TRPC3: variants seen among roughly 807,000 people sequenced by gnomAD.
TRPC3 encodes transient receptor potential cation channel subfamily C member 3, also known as short transient receptor potential channel 3.
TRPC3 carries 54 observed loss-of-function variants against 90.9 expected under a neutral mutation model. The ratio of observed to expected loss-of-function variants is 0.59; its 90% CI spans 0.48 to 0.75. The LOEUF (loss-of-function observed/expected upper bound fraction) is 0.75, where lower values mean the gene tolerates loss of function less well. Ranked by LOEUF, TRPC3 falls within the 30% of genes least tolerant of loss-of-function variation. The probability of loss-of-function intolerance (pLI) is 0.00; values close to 1 mark genes in which losing one functional copy is unlikely to be tolerated. For missense variants in TRPC3, 918 were observed against 1,194.5 expected, an observed-to-expected ratio of 0.77 and a Z score of 3.41; for synonymous variants, 424 against 450.9, an observed-to-expected ratio of 0.94 and a Z score of 0.75.
intron 4 of TRPC3, among the ~76,000 whole-genome samples, chr4:121,912,822 C>T (rs1729157242): frequency 6.6e-6 from 1 of 152,138 alleles, no homozygotes; most frequent in Non-Finnish European, 1.5e-5. Context: ...CTTTAAAATC[C>T]CCTATGATAT....
intron 10 of TRPC3, among the ~76,000 whole-genome samples, chr4:121,884,387 G>A (rs549688974): frequency 7.2e-5 from 11 of 152,218 alleles, no homozygotes; most frequent in African/African-American, 2.4e-4. Flanking sequence ...GGCAATGGAC[G>A]GATAATGTTA....
chr4:121,902,822 T>G, intron 9 of TRPC3, 30 bp downstream of exon 9: 1 of 1,485,274 alleles, frequency 6.7e-7, no homozygotes, highest in Non-Finnish European at 9.2e-7. Context: ...AACATTTATT[T>G]TAAGGTCTTG....
chr4:121,916,801 C>T (rs1326712350), intron 3 of TRPC3, among the ~76,000 whole-genome samples: 3 of 152,052 alleles, frequency 2.0e-5, no homozygotes, highest in Non-Finnish European at 2.9e-5. Context: ...ACAACCTCCA[C>T]CTCCCGGGTT....
At chr4:121,941,617 CAAGAAAGTCAGAGAAGAAAA>C (rs1489734856) in intron 1 of TRPC3, among the ~76,000 whole-genome samples, 2 of 150,518 alleles carry the variant, frequency 1.3e-5, no homozygotes, top group Non-Finnish European at 3.0e-5. Flanking sequence ...GAAGAAAAGA[CAAGAAAGTCAGAGAAGAAAA>C]GTCAAAAAAT....
Position 121,907,367 on chromosome 4 carries a change from T to C in TRPC3, c.1993A>G (p.Met665Val). Residue 665 changes from methionine (M) to valine (V), a missense_variant, in exon 7 of 12, where the codon ATG becomes GTG. Met to Val is a conservative substitution (Grantham distance 21, BLOSUM62 1). Transcript: ENST00000379645. ...GAATAAAGTATGAACATGCCAATCA[T>C]AAAGGCAAAAAACACCATAATAAAG... Reference protein sequence around the residue: ...VLFIMVFFAFMIGMFILYSYY... With the variant: ...VLFIMVFFAFVIGMFILYSYY... The C allele has an allele frequency of 6.2e-7, 1 of 1,613,270 alleles. No homozygotes were observed. Among genetic ancestry groups the C allele is most frequent in the Non-Finnish European group, 8.5e-7 (1 of 1,179,430 alleles).
rs557706496 is a variant in TRPC3, at chr4:121,924,765, C to T, written c.1176+253G>A. Among the ~76,000 whole-genome samples the T allele has an allele frequency of 1.4e-4, 21 of 152,226 alleles. No individual in the cohort carries two copies. In the South Asian group the frequency reaches 4.4e-3, roughly 32 times the overall value. On this transcript the variant is annotated intron_variant, in intron 3 of 11. Transcript: ENST00000379645. ...TATGTTGCCCAGCTGGTCTTGAACG[C>T]CTGGCCTCAAGTGATCCTCCTGCTT...
intron 7 of TRPC3, among the ~76,000 whole-genome samples, chr4:121,904,916 A>G (rs1046995947): frequency 6.6e-6 from 1 of 152,248 alleles, no homozygotes; most frequent in Admixed American, 6.5e-5. Flanking sequence ...TTATATACCC[A>G]ATTTTTAAGA....
chr4:121,905,317 C>T (rs184697356), intron 7 of TRPC3, among the ~76,000 whole-genome samples: 185 of 151,954 alleles, frequency 1.2e-3, no homozygotes, highest in African/African-American at 4.2e-3. Flanking sequence ...CCTGTAGACG[C>T]CTCTCTATTT....
rs780198602 is a variant in TRPC3 at position 121,932,914 on chromosome 4, C to T, written c.344G>A (p.Arg115His). 1.9e-6 allele frequency: 3 copies of T among 1,613,956 alleles called. No individual in the cohort carries two copies. Among genetic ancestry groups the T allele is most frequent in the East Asian group, 2.2e-5 (1 of 44,880 alleles). ...RGTSLTAEEE[R>H]FLDAAEYGNI... ...GCCGTACTCGGCGGCGTCGAGGAAG[C>T]GCTCCTCCTCGGCGGTGAGGCTGGT... The change falls in exon 2 of 12, where the codon CGC becomes CAC. Residue 115 changes from arginine (R) to histidine (H), a missense_variant. Around this residue, in one of 4 missense-constraint regions of TRPC3, gnomAD observed 609 missense variants for 725.9 expected, o/e 0.84. Transcript: ENST00000379645. This position sits in a 1 kb window ranked among gnomAD's most constrained non-coding sequence, Gnocchi z 7.7.
intron 3 of TRPC3, among the ~76,000 whole-genome samples, chr4:121,922,807 C>T (rs1411136621): frequency 6.6e-6 from 1 of 152,190 alleles, no homozygotes; most frequent in Admixed American, 6.5e-5. Context: ...ATCCTTTTCC[C>T]TCAATATATT....
intron 1 of TRPC3, among the ~76,000 whole-genome samples, chr4:121,935,945 T>C (rs1406443166): frequency 6.6e-6 from 1 of 152,238 alleles, no homozygotes; most frequent in African/African-American, 2.4e-5. Context: ...TTAATACTTC[T>C]TATTCCTTCA....
Position 121,876,271 on chromosome 4 carries a change from G to A in TRPC3, c.*3465C>T, listed in dbSNP as rs528868123. Among the ~76,000 whole-genome samples the A allele has an allele frequency of 8.1e-4, 123 of 151,574 alleles. 1 individual carries two copies. The highest frequency in any genetic ancestry group is 1.3e-3 in the Non-Finnish European group (89 of 67,842). On this transcript the variant is annotated 3_prime_UTR_variant, in exon 12 of 12. Coordinates refer to ENST00000379645, the MANE Select transcript of TRPC3 (RefSeq NM_001130698.2). ...AAGACTAGCCTGGACAACATAGTGA[G>A]ACCCGCCTCTAAAAATGTATTTTAA... is the stretch of plus-strand genomic sequence containing the variant.
intron 1 of TRPC3, among the ~76,000 whole-genome samples, chr4:121,939,233 A>G (rs1730226670): frequency 6.6e-6 from 1 of 152,176 alleles, no homozygotes; most frequent in East Asian, 1.9e-4. Context: ...ACAGGAGTGA[A>G]AAGAAAAGGA....
chr4:121,894,569 T>G (rs921396461), intron 10 of TRPC3, among the ~76,000 whole-genome samples: 9 of 138,168 alleles, frequency 6.5e-5, no homozygotes, highest in South Asian at 2.5e-4. Context: ...TTTTTTTTTT[T>G]TTTTTTTTTT....
At chr4:121,903,099 T>G in intron 8 of TRPC3, 38 bp from the exon 9 acceptor site, 1 of 1,546,096 alleles carries the variant, frequency 6.5e-7, no homozygotes, top group Non-Finnish European at 8.7e-7. Context: ...TAATTTTAAA[T>G]GCTAAATATT....
Position 121,932,960 on chromosome 4 carries a change from A to T in TRPC3, c.298T>A (p.Phe100Ile). Reference protein sequence around the residue: ...GRRQAVRGPAFMFNDRGTSLT... With the variant: ...GRRQAVRGPAIMFNDRGTSLT... ...CTGGTGCCGCGGTCATTGAACATGA[A>T]GGCCGGGCCCCTGACAGCCTGGCGC... The change falls in exon 2 of 12, where the codon TTC (phenylalanine) becomes ATC (isoleucine). Residue 100 changes from phenylalanine to isoleucine, a missense_variant. Physicochemically the swap from Phe to Ile is conservative, Grantham distance 21. Coordinates refer to ENST00000379645, the MANE Select transcript of TRPC3 (RefSeq NM_001130698.2). The surrounding 1 kb of genome is among the most constrained non-coding windows in gnomAD (Gnocchi z 7.7). 6.2e-7 allele frequency: 1 copy of T among 1,613,330 alleles called. No homozygotes were observed. The highest frequency in any genetic ancestry group is 8.5e-7 in the Non-Finnish European group (1 of 1,179,640).
intron 9 of TRPC3, among the ~76,000 whole-genome samples, chr4:121,901,637 G>A (rs1173404207): frequency 2.0e-5 from 3 of 152,194 alleles, no homozygotes; most frequent in East Asian, 3.8e-4. Flanking sequence ...ATTTGTTGAG[G>A]CTGGAATTTT....
intron 3 of TRPC3, among the ~76,000 whole-genome samples, chr4:121,919,984 G>A (rs1301217863): frequency 1.3e-5 from 2 of 152,270 alleles, no homozygotes; most frequent in African/African-American, 4.8e-5. Context: ...CACAGAGCAG[G>A]ATAGAGGTAG....
At chr4:121,938,686 CAAATGGTA>C (rs1730209927) in intron 1 of TRPC3, among the ~76,000 whole-genome samples, 1 of 152,170 alleles carries the variant, frequency 6.6e-6, no homozygotes, top group South Asian at 2.1e-4. Context: ...AAAGATAACA[CAAATGGTA>C]AAATAACGAA....
Sources: allele counts gnomAD v4.1 joint callset (sites outside exome capture counted in the v4.1 genomes callset), GRCh38; gene constraint gnomAD v4.1.1; regional missense constraint gnomAD v4.1.1; non-coding constraint Gnocchi (gnomAD v3.1); transcripts MANE v1.5; gene names NCBI Gene and HGNC (gene_info 2026-07-23, HGNC 2026-07-21).